FOXP1: variants seen among roughly 807,000 people sequenced by gnomAD.
FOXP1 encodes the protein forkhead box P1.
Under a neutral mutation model 98.2 loss-of-function variants are expected in FOXP1, and 15 were observed. The observed-to-expected ratio is 0.15, with a 90% CI of 0.10 to 0.24. The LOEUF (loss-of-function observed/expected upper bound fraction) is 0.24. FOXP1 is among the 10% of genes least tolerant of loss of function. FOXP1 has a pLI of 1.00. For missense variants in FOXP1, 633 were observed against 848.5 expected, an observed-to-expected ratio of 0.75 and a Z score of 3.15; for synonymous variants, 371 against 314.5, an observed-to-expected ratio of 1.18 and a Z score of -1.90.
intron 20 of FOXP1, among the ~76,000 whole-genome samples, chr3:70,961,341 C>T (rs1249973980): frequency 6.6e-6 from 1 of 152,102 alleles, no homozygotes; most frequent in Admixed American, 6.5e-5. Context: ...AGTAATTCTT[C>T]TGGCTCAGCC....
intron 1 of FOXP1, chr3:71,582,715 G>C: frequency 3.0e-6 from 3 of 985,368 alleles, no homozygotes; most frequent in Non-Finnish European, 3.6e-6. Flanking sequence ...ATCTGGCCAC[G>C]GCTGTTGCGG....
At chr3:71,262,846 G>A (rs549727571) in intron 5 of FOXP1, among the ~76,000 whole-genome samples, 3 of 152,316 alleles carry the variant, frequency 2.0e-5, no homozygotes, top group African/African-American at 7.2e-5. Flanking sequence ...CTCTCTGGGA[G>A]GTCCTCACTT....
chr3:71,130,901 C>T lies in FOXP1; in HGVS notation c.181-18264G>A, dbSNP rs1039952627. The T allele has an allele frequency of 1.0e-5, 14 of 1,362,852 alleles. No homozygotes were observed. In the Admixed American group the frequency reaches 1.6e-4, roughly 16 times the overall value. 84.4% of individuals were successfully genotyped at this position (1,362,852 alleles called of 1,614,324 possible). ...TAAACCGCTCCAGGTCTGCAAGCAGCGACACAGCACACGCAGTGCGCCCTG... is the reference window on the plus strand; with the variant it reads ...TAAACCGCTCCAGGTCTGCAAGCAGTGACACAGCACACGCAGTGCGCCCTG... On this transcript the variant is annotated intron_variant, in intron 6 of 20. Transcript: ENST00000649528.
intron 7 of FOXP1, among the ~76,000 whole-genome samples, chr3:71,078,213 T>C (rs1169580159): frequency 1.3e-5 from 2 of 152,258 alleles, no homozygotes; most frequent in Non-Finnish European, 2.9e-5. Flanking sequence ...GTGGTGCGTT[T>C]CACATAGTGT....
At chr3:71,506,194 C>T (rs2041810278) in intron 2 of FOXP1, among the ~76,000 whole-genome samples, 1 of 152,176 alleles carries the variant, frequency 6.6e-6, no homozygotes, top group East Asian at 1.9e-4. Flanking sequence ...TTGGCTTCGG[C>T]AGTGTTGGGA....
At chr3:71,191,276 G>A (rs2062963729) in intron 6 of FOXP1, among the ~76,000 whole-genome samples, 1 of 152,196 alleles carries the variant, frequency 6.6e-6, no homozygotes, top group South Asian at 2.1e-4. Context: ...AAACTAATCT[G>A]TCAACAAATT....
intron 7 of FOXP1, among the ~76,000 whole-genome samples, chr3:71,105,657 T>C (rs1164031243): frequency 6.6e-6 from 1 of 152,154 alleles, no homozygotes; most frequent in Non-Finnish European, 1.5e-5. Flanking sequence ...AACTAGTCCA[T>C]GTTCCAAACG....
At chr3:71,409,104 C>T (rs1056308945) in intron 3 of FOXP1, among the ~76,000 whole-genome samples, 1 of 152,164 alleles carries the variant, frequency 6.6e-6, no homozygotes. Flanking sequence ...GGCCTTTGCA[C>T]TTGCTGTTCT....
intron 11 of FOXP1, among the ~76,000 whole-genome samples, chr3:71,023,338 C>T (rs1220071503): frequency 1.3e-5 from 2 of 152,222 alleles, no homozygotes; most frequent in East Asian, 3.8e-4. Flanking sequence ...CCATCCCAGC[C>T]TGTGATTTTT....
intron 5 of FOXP1, among the ~76,000 whole-genome samples, chr3:71,230,118 G>T (rs919941517): frequency 6.7e-6 from 1 of 150,116 alleles, no homozygotes; most frequent in Non-Finnish European, 1.5e-5. Flanking sequence ...CACCACTGGG[G>T]AGGGGTGGGT....
chr3:71,532,236 AC>A (rs2043913111), intron 2 of FOXP1, among the ~76,000 whole-genome samples: 1 of 152,152 alleles, frequency 6.6e-6, no homozygotes, highest in Non-Finnish European at 1.5e-5. Flanking sequence ...AGTAGCTGGA[AC>A]TACAGATGTG....
chr3:71,322,221 T>C (rs2075429465), intron 4 of FOXP1, among the ~76,000 whole-genome samples: 1 of 152,312 alleles, frequency 6.6e-6, no homozygotes, highest in African/African-American at 2.4e-5. Context: ...CTCAAGAAGC[T>C]CATATCAACA....
chr3:71,574,108 T>G (rs957146112), intron 2 of FOXP1: 1 of 151,870 alleles, frequency 6.6e-6, no homozygotes, highest in Non-Finnish European at 1.5e-5. Context: ...CCCATAAGAG[T>G]TTTTTTTAAG....
At chr3:71,070,089 A>G (rs2053031533) in intron 7 of FOXP1, among the ~76,000 whole-genome samples, 5 of 152,218 alleles carry the variant, frequency 3.3e-5, no homozygotes, top group Admixed American at 2.6e-4. Context: ...GACTACTTCA[A>G]CTTATTCAAA....
At chr3:71,557,380 A>G (rs573557722) in intron 2 of FOXP1, among the ~76,000 whole-genome samples, 1 of 150,842 alleles carries the variant, frequency 6.6e-6, no homozygotes, top group African/African-American at 2.5e-5. Flanking sequence ...CTTATTTAAA[A>G]AAAGTAAAAA....
intron 20 of FOXP1, among the ~76,000 whole-genome samples, chr3:70,963,439 A>C (rs542511458): frequency 2.6e-4 from 39 of 152,252 alleles, no homozygotes; most frequent in Non-Finnish European, 5.6e-4. Flanking sequence ...ATTTGAGATG[A>C]GATGCAGACT....
Position 70,959,197 on chromosome 3 carries a change from T to C in FOXP1, c.*50A>G. On this transcript the variant is annotated 3_prime_UTR_variant, in exon 21 of 21. Transcript: ENST00000649528. ...ACTGCTAACTTTTGACGTGTTTTTT[T>C]TTTTTTCCTTTTTCCAATCTTCATT... 1 of 1,604,314 alleles carries C rather than the reference T, an allele frequency of 6.2e-7. No individual in the cohort carries two copies. The highest frequency in any genetic ancestry group is 8.5e-7 in the Non-Finnish European group (1 of 1,173,106).
chr3:71,004,131 G>A (rs1459299674), intron 12 of FOXP1, among the ~76,000 whole-genome samples: 1 of 151,894 alleles, frequency 6.6e-6, no homozygotes, highest in Non-Finnish European at 1.5e-5. Context: ...AATTGTTTCT[G>A]CAAGAATGGA....
At chr3:71,425,552 C>T (rs752878428) in intron 3 of FOXP1, among the ~76,000 whole-genome samples, 1 of 152,014 alleles carries the variant, frequency 6.6e-6, no homozygotes, top group Non-Finnish European at 1.5e-5. Context: ...GGTGTATAAC[C>T]GTCTCCTCAG....
Sources: gnomAD v4.1 joint callset for allele counts (sites outside exome capture counted in the v4.1 genomes callset) on GRCh38, gnomAD v4.1.1 for gene constraint, MANE v1.5 for transcripts, NCBI Gene and HGNC (gene_info 2026-07-23, HGNC 2026-07-21) for gene names.